GRIK1: variants seen among roughly 807,000 people sequenced by gnomAD.
GRIK1 encodes the protein glutamate ionotropic receptor kainate type subunit 1, also known as glutamate receptor ionotropic, kainate 1.
GRIK1 carries 69 observed loss-of-function variants against 105.7 expected under a neutral mutation model. The observed-to-expected ratio is 0.65, with a 90% CI of 0.54 to 0.80. The LOEUF (loss-of-function observed/expected upper bound fraction) is 0.80. Ranked by LOEUF, GRIK1 falls within the 30% of genes least tolerant of loss-of-function variation. The probability of loss-of-function intolerance (pLI) is 0.00; values close to 1 mark genes in which losing one functional copy is unlikely to be tolerated. For synonymous variants in GRIK1, 438 were observed against 431.3 expected (o/e 1.02, Z -0.19); for missense variants, 1,109 against 1,167.3 (o/e 0.95, Z 0.73).
intron 1 of GRIK1, among the ~76,000 whole-genome samples, chr21:29,698,409 T>C (rs1454139055): frequency 6.6e-6 from 1 of 152,028 alleles, no homozygotes; most frequent in Non-Finnish European, 1.5e-5. Context: ...GGGCAGTGGG[T>C]GAAGGGAGAA....
chr21:29,842,920 C>A (rs2068019540), intron 1 of GRIK1, among the ~76,000 whole-genome samples: 1 of 152,160 alleles, frequency 6.6e-6, no homozygotes, highest in African/African-American at 2.4e-5. Flanking sequence ...TGACTGATTG[C>A]AGAATAGTGC....
Position 29,691,136 on chromosome 21 carries a change from C to T in GRIK1, c.287-1151G>A, listed in dbSNP as rs145032463. Among the ~76,000 whole-genome samples the T allele has an allele frequency of 2.9e-3, 443 of 151,094 alleles. 5 individuals carry two copies. Among genetic ancestry groups the T allele is most frequent in the African/African-American group, 0.01 (424 of 40,490 alleles). On this transcript the variant is annotated intron_variant, in intron 2 of 17. Coordinates refer to ENST00000327783, the MANE Select transcript of GRIK1 (RefSeq NM_001330994.2). Reference sequence around the variant, plus strand: ...GACCTGCCTGGCCATCATGGTGAAACCCCATCTCTAATAAAAATACAAAAA... The same window carrying T: ...GACCTGCCTGGCCATCATGGTGAAATCCCATCTCTAATAAAAATACAAAAA...
At chr21:29,803,502 G>T (rs1333242410) in intron 1 of GRIK1, among the ~76,000 whole-genome samples, 1 of 152,116 alleles carries the variant, frequency 6.6e-6, no homozygotes, top group Admixed American at 6.6e-5. Context: ...TGTGTTGAGA[G>T]AATTTTCTGG....
In GRIK1 at chr21:29,537,234, G is replaced by A. The variant is rs758995730; in HGVS notation, c.2846C>T (p.Ala949Val). The A allele has an allele frequency of 3.1e-6, 5 of 1,597,588 alleles. No individual in the cohort carries two copies. The highest frequency in any genetic ancestry group is 1.8e-5 in the Admixed American group (1 of 57,102). The change falls in exon 18 of 18, where the codon GCG (alanine) becomes GTG (valine). Residue 949 changes from alanine to valine, a missense_variant. Physicochemically the swap from Ala to Val is moderately conservative, Grantham distance 64 (BLOSUM62 0). Around this residue, in one of 5 missense-constraint regions of GRIK1, gnomAD observed 161 missense variants for 143.4 expected, o/e 1.12. Coordinates refer to ENST00000327783, the MANE Select transcript of GRIK1 (RefSeq NM_001330994.2). The part of the protein sequence containing the change: ...QRRTQRKETV[A>V] ...TCCTACAGGCGTTTCCTTGGATCAC[G>A]CCACAGTCTCTTTTCTCTGAGTTCG...
At chr21:29,721,126 T>G (rs2064310631) in intron 1 of GRIK1, among the ~76,000 whole-genome samples, 1 of 152,106 alleles carries the variant, frequency 6.6e-6, no homozygotes, top group Non-Finnish European at 1.5e-5. Context: ...GTGTATAAGC[T>G]GCTTGAGCTC....
At chr21:29,779,351 TGTGTGTGTGTGCAC>T (rs1040098072) in intron 1 of GRIK1, among the ~76,000 whole-genome samples, 2 of 151,808 alleles carry the variant, frequency 1.3e-5, no homozygotes, top group African/African-American at 2.4e-5. Flanking sequence ...TGTGTGTGTG[TGTGTGTGTGTGCAC>T]GTGTGTGTGT....
At chr21:29,565,606 G>A (rs536478427) in intron 14 of GRIK1, among the ~76,000 whole-genome samples, 1 of 152,166 alleles carries the variant, frequency 6.6e-6, no homozygotes, top group South Asian at 2.1e-4. Context: ...CTAATTTTTT[G>A]TATTTTTAGT....
Position 29,561,718 on chromosome 21 carries a change from G to C in GRIK1, c.2262C>G (p.Ser754=). The change falls in exon 15 of 18, where the codon TCC becomes TCG. Residue 754 remains serine, a synonymous_variant. Coordinates refer to ENST00000327783, the MANE Select transcript of GRIK1 (RefSeq NM_001330994.2). ...TCTGCGTCACATACTCAATGCTGGT[G>C]GACTCCATCAGCAGCGCGTAGTCTG... The part of the protein sequence containing the change: ...LTTDYALLME[S]TSIEYVTQRN... 6.2e-7 allele frequency: 1 copy of C among 1,613,952 alleles called. No individual in the cohort carries two copies. Among genetic ancestry groups the C allele is most frequent in the African/African-American group, 1.3e-5 (1 of 75,018 alleles).
At chr21:29,906,824 T>A (rs917413272) in intron 1 of GRIK1, among the ~76,000 whole-genome samples, 3 of 152,168 alleles carry the variant, frequency 2.0e-5, no homozygotes, top group African/African-American at 7.2e-5. Flanking sequence ...TCCATTTTAG[T>A]AAATTTTATT....
At chr21:29,789,632 C>G (rs2066357819) in intron 1 of GRIK1, among the ~76,000 whole-genome samples, 1 of 152,150 alleles carries the variant, frequency 6.6e-6, no homozygotes, top group Non-Finnish European at 1.5e-5. Flanking sequence ...CAATAGTACC[C>G]CTTCCCTTAT....
At chr21:29,826,031 A>G (rs1252654442) in intron 1 of GRIK1, among the ~76,000 whole-genome samples, 1 of 152,096 alleles carries the variant, frequency 6.6e-6, no homozygotes, top group Non-Finnish European at 1.5e-5. Flanking sequence ...GAAGGTAGTG[A>G]CATGGGATAA....
At position 29,650,202 on chromosome 21, in the gene GRIK1, C is replaced by T. The variant is rs188847931; in HGVS notation, c.954+916G>A. Among the ~76,000 whole-genome samples, 364 of 152,278 alleles carry T rather than the reference C, an allele frequency of 2.4e-3. 2 individuals carry two copies. The highest frequency in any genetic ancestry group is 8.0e-3 in the African/African-American group (334 of 41,550). On this transcript the variant is annotated intron_variant, in intron 6 of 17. Coordinates refer to ENST00000327783, the MANE Select transcript of GRIK1 (RefSeq NM_001330994.2). ...CACTTAATTCATTCATTTAGTTCTT[C>T]ACTTTCATTTGTTCCTCATAAGAAA...
chr21:29,581,207 T>C (rs2091016532), intron 13 of GRIK1, among the ~76,000 whole-genome samples: 1 of 152,192 alleles, frequency 6.6e-6, no homozygotes, highest in Non-Finnish European at 1.5e-5. Context: ...TATTTATTGC[T>C]TGATAGAAGT....
intron 1 of GRIK1, among the ~76,000 whole-genome samples, chr21:29,892,287 G>T (rs912800682): frequency 6.6e-6 from 1 of 152,214 alleles, no homozygotes; most frequent in Non-Finnish European, 1.5e-5. Flanking sequence ...TAAGCAGAAA[G>T]CAACACCTTT....
chr21:29,926,443 A>G (rs1411564210), intron 1 of GRIK1, among the ~76,000 whole-genome samples: 1 of 152,206 alleles, frequency 6.6e-6, no homozygotes, highest in Non-Finnish European at 1.5e-5. Context: ...TGAGAAAAAC[A>G]AAGTTGCAAG....
chr21:29,733,995 T>C (rs995832071), intron 1 of GRIK1, among the ~76,000 whole-genome samples: 1 of 152,142 alleles, frequency 6.6e-6, no homozygotes, highest in African/African-American at 2.4e-5. Flanking sequence ...ATATAAGATA[T>C]TTAATTGTAA....
chr21:29,694,097 A>G (rs1428447157), intron 1 of GRIK1, 34 bp from the exon 2 acceptor site: 3 of 1,126,652 alleles, frequency 2.7e-6, no homozygotes, highest in Admixed American at 1.8e-5. Context: ...GAGAAGCGTT[A>G]GTCACATGGT....
intron 1 of GRIK1, among the ~76,000 whole-genome samples, chr21:29,805,566 G>T (rs1218390888): frequency 1.3e-5 from 2 of 152,188 alleles, no homozygotes; most frequent in African/African-American, 4.8e-5. Context: ...AACTCCACTA[G>T]AGTGAGTGGG....
intron 1 of GRIK1, among the ~76,000 whole-genome samples, chr21:29,826,906 C>A (rs1048874555): frequency 2.0e-5 from 3 of 151,994 alleles, no homozygotes; most frequent in African/African-American, 7.2e-5. Context: ...ACCTAAGCAA[C>A]AAATTCAAAG....
Sources: allele counts gnomAD v4.1 joint callset (sites outside exome capture counted in the v4.1 genomes callset), GRCh38; gene constraint gnomAD v4.1.1; regional missense constraint gnomAD v4.1.1; transcripts MANE v1.5; gene names NCBI Gene and HGNC (gene_info 2026-07-23, HGNC 2026-07-21).